EYS: variants seen among roughly 807,000 people sequenced by gnomAD.
The protein encoded by EYS is EGF-like photoreceptor maintenance factor.
In EYS, 250 loss-of-function variants were observed where a neutral mutation model predicts 282.1. That is an observed-to-expected ratio of 0.89 (90% CI 0.80 to 0.98). The LOEUF is 0.98. EYS is among the 50% of genes least tolerant of loss of function. EYS has a pLI of 0.00. For synonymous variants in EYS, 1,355 were observed against 1,282.9 expected, an observed-to-expected ratio of 1.06 and a Z score of -1.20; for missense variants, 4,016 against 3,709.0, an observed-to-expected ratio of 1.08 and a Z score of -2.15.
At chr6:64,458,224 G>A (rs770117682) in intron 26 of EYS, among the ~76,000 whole-genome samples, 16 of 151,954 alleles carry the variant, frequency 1.1e-4, no homozygotes, top group Non-Finnish European at 2.1e-4. Context: ...CACCCTTACA[G>A]TATTACAATA....
chr6:65,173,971 C>CT (rs1476599748), intron 12 of EYS, among the ~76,000 whole-genome samples: 3 of 150,890 alleles, frequency 2.0e-5, no homozygotes, highest in Admixed American at 6.6e-5. Context: ...GTATATATAG[C>CT]TTTTTTCTTA....
intron 1 of EYS, among the ~76,000 whole-genome samples, chr6:65,678,843 C>T (rs1278092283): frequency 6.7e-6 from 1 of 150,232 alleles, no homozygotes; most frequent in Non-Finnish European, 1.5e-5. Flanking sequence ...TACAAATGAC[C>T]CACATCTTCA....
At chr6:63,828,955 G>A (rs1298798301) in intron 36 of EYS, among the ~76,000 whole-genome samples, 1 of 152,178 alleles carries the variant, frequency 6.6e-6, no homozygotes, top group Non-Finnish European at 1.5e-5. Context: ...ACTACCATTT[G>A]ATCCAGCAGT....
chr6:64,552,390 TC>T (rs1240931584), intron 26 of EYS, among the ~76,000 whole-genome samples: 1 of 152,186 alleles, frequency 6.6e-6, no homozygotes, highest in Non-Finnish European at 1.5e-5. Context: ...AGAATCCTTT[TC>T]CCTTTCCAGG....
chr6:65,678,404 T>G (rs996079796), intron 1 of EYS, among the ~76,000 whole-genome samples: 1 of 152,022 alleles, frequency 6.6e-6, no homozygotes, highest in African/African-American at 2.4e-5. Flanking sequence ...GATATTCAGA[T>G]GCAATAGAAT....
At chr6:64,203,260 G>A (rs187885185) in intron 31 of EYS, among the ~76,000 whole-genome samples, 44 of 152,288 alleles carry the variant, frequency 2.9e-4, no homozygotes, top group Admixed American at 2.7e-3. Context: ...GTGTCTGAAA[G>A]GGCCTGATTT....
At chr6:65,696,586 A>T (rs1372885901) in intron 1 of EYS, among the ~76,000 whole-genome samples, 1 of 151,986 alleles carries the variant, frequency 6.6e-6, no homozygotes, top group Non-Finnish European at 1.5e-5. Context: ...TTAATGGAAA[A>T]TATAGGGGAA....
intron 31 of EYS, among the ~76,000 whole-genome samples, chr6:64,125,154 G>GCGCGCGCGCTCTCTCTCTCTCTC (rs1773724746): frequency 5.5e-5 from 8 of 145,328 alleles, no homozygotes; most frequent in African/African-American, 1.6e-4. Flanking sequence ...CACACTCTCT[G>GCGCGCGCGCTCTCTCTCTCTCTC]TCTCTCTCTC....
At chr6:65,231,357 A>G (rs1250538033) in intron 12 of EYS, among the ~76,000 whole-genome samples, 1 of 151,444 alleles carries the variant, frequency 6.6e-6, no homozygotes, top group African/African-American at 2.4e-5. Flanking sequence ...GCATGTATTT[A>G]TTTGAATGAA....
chr6:64,097,554 A>G (rs112893640), intron 31 of EYS, among the ~76,000 whole-genome samples: 15,816 of 152,198 alleles, frequency 0.1, 1,501 homozygotes, highest in African/African-American at 0.26. Flanking sequence ...CTGCAAGCCA[A>G]GCATGGGATA....
chr6:65,633,067 T>C (rs536088039), intron 2 of EYS, among the ~76,000 whole-genome samples: 2 of 152,338 alleles, frequency 1.3e-5, no homozygotes, highest in East Asian at 3.9e-4. Flanking sequence ...GGTTGGCTCA[T>C]ATAAAGATAC....
At chr6:64,986,164 A>G (rs1770852085) in intron 14 of EYS, among the ~76,000 whole-genome samples, 1 of 151,550 alleles carries the variant, frequency 6.6e-6, no homozygotes, top group South Asian at 2.1e-4. Flanking sequence ...CTTAATTTCC[A>G]TTATAAGAAA....
intron 26 of EYS, among the ~76,000 whole-genome samples, chr6:64,540,743 C>T (rs1252369867): frequency 6.6e-6 from 1 of 152,130 alleles, no homozygotes; most frequent in African/African-American, 2.4e-5. Flanking sequence ...CTCGGCCTCC[C>T]AAAGTGCTGG....
intron 12 of EYS, among the ~76,000 whole-genome samples, chr6:65,243,574 G>C (rs985414203): frequency 5.9e-5 from 9 of 151,858 alleles, no homozygotes; most frequent in Non-Finnish European, 1.3e-4. Flanking sequence ...TCCCTTTTTT[G>C]TATGCCATTT....
chr6:64,403,909 G>A (rs183425719), intron 28 of EYS, among the ~76,000 whole-genome samples: 559 of 152,238 alleles, frequency 3.7e-3, no homozygotes, highest in Middle Eastern at 6.8e-3. Flanking sequence ...TTTTTTCAGA[G>A]GAAAATCCAG....
At chr6:64,366,388 G>C (rs138258670) in intron 29 of EYS, among the ~76,000 whole-genome samples, 31 of 152,086 alleles carry the variant, frequency 2.0e-4, no homozygotes, top group African/African-American at 7.0e-4. Context: ...ACTGGCAATA[G>C]GTGAGAAAGA....
At chr6:65,089,622 G>A (rs954153570) in intron 12 of EYS, among the ~76,000 whole-genome samples, 2 of 151,956 alleles carry the variant, frequency 1.3e-5, no homozygotes, top group Non-Finnish European at 2.9e-5. Flanking sequence ...ATAAGACTTT[G>A]GACTTTGACT....
chr6:65,096,545 T>G (rs972866335), intron 12 of EYS, among the ~76,000 whole-genome samples: 1 of 150,864 alleles, frequency 6.6e-6, no homozygotes, highest in African/African-American at 2.4e-5. Context: ...GAAACAATGT[T>G]GAAAAAGAAT....
chr6:65,278,212 CT>C (rs1000084745), intron 12 of EYS, among the ~76,000 whole-genome samples: 21 of 143,900 alleles, frequency 1.5e-4, no homozygotes, highest in Non-Finnish European at 2.7e-4. Flanking sequence ...GACTGCAGAT[CT>C]GGCTGCTTGT....
Sources: gnomAD v4.1 joint callset for allele counts (sites outside exome capture counted in the v4.1 genomes callset) on GRCh38, gnomAD v4.1.1 for gene constraint, MANE v1.5 for transcripts, NCBI Gene and HGNC (gene_info 2026-07-23, HGNC 2026-07-21) for gene names.